DAB1: variants seen among roughly 807,000 people sequenced by gnomAD.
DAB1 encodes the protein disabled homolog 1.
A neutral mutation model predicts 64.6 loss-of-function variants in DAB1; 15 were observed. That is an observed-to-expected ratio of 0.23 (90% CI 0.16 to 0.36). The LOEUF (loss-of-function observed/expected upper bound fraction) is 0.36, where lower values mean the gene tolerates loss of function less well. Ranked by LOEUF, DAB1 falls within the 10% of genes least tolerant of loss-of-function variation. The pLI, the probability that DAB1 is intolerant of heterozygous loss-of-function variation, is 1.00. For missense variants in DAB1, 596 were observed against 706.7 expected, an observed-to-expected ratio of 0.84 and a Z score of 1.78; for synonymous variants, 235 against 251.9, an observed-to-expected ratio of 0.93 and a Z score of 0.64.
chr1:57,419,008 T>A (rs888657332), intron 1 of DAB1, among the ~76,000 whole-genome samples: 2 of 152,216 alleles, frequency 1.3e-5, no homozygotes, highest in Non-Finnish European at 2.9e-5. Context: ...TGAATTTATA[T>A]CCTGATATGC....
At chr1:58,356,306 C>A (rs1046755022) in intron 3 of DAB1, among the ~76,000 whole-genome samples, 6 of 152,118 alleles carry the variant, frequency 3.9e-5, no homozygotes, top group African/African-American at 1.4e-4. Flanking sequence ...GGAACCTTGC[C>A]TGTTTGTTCA....
chr1:57,639,681 T>C (rs1415043192), intron 7 of DAB1, among the ~76,000 whole-genome samples: 3 of 152,082 alleles, frequency 2.0e-5, no homozygotes, highest in Non-Finnish European at 2.9e-5. Context: ...GCACTGTGCA[T>C]CATGCTCAGC....
intron 6 of DAB1, among the ~76,000 whole-genome samples, chr1:57,660,455 G>T (rs575628648): frequency 6.6e-6 from 1 of 152,184 alleles, no homozygotes; most frequent in Non-Finnish European, 1.5e-5. Context: ...AGATACCAAG[G>T]GTAGTGGGCC....
chr1:58,543,618 T>C (rs1347647099), intron 1 of DAB1, among the ~76,000 whole-genome samples: 1 of 152,116 alleles, frequency 6.6e-6, no homozygotes, highest in Admixed American at 6.5e-5. Context: ...GGCAACAGAA[T>C]CCTACCCCGA....
At chr1:58,318,082 C>A (rs2100481429) in intron 4 of DAB1, among the ~76,000 whole-genome samples, 1 of 152,254 alleles carries the variant, frequency 6.6e-6, no homozygotes, top group South Asian at 2.1e-4. Flanking sequence ...AAGGAGAGAA[C>A]AATTCAAGTG....
intron 7 of DAB1, among the ~76,000 whole-genome samples, chr1:57,507,356 CT>C (rs1644356168): frequency 6.6e-6 from 1 of 152,212 alleles, no homozygotes; most frequent in African/African-American, 2.4e-5. Flanking sequence ...TGATGTCCCA[CT>C]TAATCACAAG....
At chr1:58,516,939 G>A (rs1646166795) in intron 2 of DAB1, among the ~76,000 whole-genome samples, 1 of 152,120 alleles carries the variant, frequency 6.6e-6, no homozygotes, top group Admixed American at 6.5e-5. Context: ...TAATCAGAAG[G>A]TTGCCTAGGA....
intron 5 of DAB1, among the ~76,000 whole-genome samples, chr1:58,052,020 T>C (rs183958373): frequency 1.8e-4 from 27 of 152,352 alleles, no homozygotes; most frequent in African/African-American, 6.3e-4. Context: ...TGGTAGTTTC[T>C]TTTGCCGTGC....
At chr1:57,693,278 G>A (rs1229584994) in intron 6 of DAB1, among the ~76,000 whole-genome samples, 2 of 152,122 alleles carry the variant, frequency 1.3e-5, no homozygotes, top group African/African-American at 2.4e-5. Context: ...CTGTTTAGAG[G>A]GGGGATTAAG....
chr1:57,259,762 C>T (rs1670041746), intron 2 of DAB1, among the ~76,000 whole-genome samples: 1 of 152,148 alleles, frequency 6.6e-6, no homozygotes, highest in South Asian at 2.1e-4. Flanking sequence ...CCAATTGCTG[C>T]CAATTACTTC....
intron 5 of DAB1, among the ~76,000 whole-genome samples, chr1:57,909,632 T>C (rs1406178209): frequency 6.6e-6 from 1 of 152,206 alleles, no homozygotes; most frequent in African/African-American, 2.4e-5. Flanking sequence ...TAAGTGTTGC[T>C]GATTCTGTGC....
chr1:58,499,314 C>CAAAAAA (rs58217798), intron 3 of DAB1, among the ~76,000 whole-genome samples: 7 of 69,730 alleles, frequency 1.0e-4, no homozygotes, highest in Admixed American at 3.7e-4. Context: ...CACATCTCTA[C>CAAAAAA]AAAAAAAAAA....
chr1:57,896,451 C>A (rs1202835), intron 5 of DAB1, among the ~76,000 whole-genome samples: 1 of 151,636 alleles, frequency 6.6e-6, no homozygotes, highest in African/African-American at 2.4e-5. Context: ...TTGTAGTCAG[C>A]TCTTTTATAT....
At chr1:58,334,651 C>T (rs12741428) in intron 4 of DAB1, among the ~76,000 whole-genome samples, 36,835 of 125,100 alleles carry the variant, frequency 0.29, 4,941 homozygotes, top group South Asian at 0.41. Flanking sequence ...CATATCATAT[C>T]ATATTATATT....
chr1:57,315,511 C>A (rs941991200), intron 1 of DAB1, among the ~76,000 whole-genome samples: 10 of 152,142 alleles, frequency 6.6e-5, no homozygotes, highest in African/African-American at 2.4e-4. Flanking sequence ...ATTATATGAT[C>A]TTTTTTTCTG....
At chr1:57,280,000 T>C (rs2100623891) in intron 2 of DAB1, among the ~76,000 whole-genome samples, 1 of 152,308 alleles carries the variant, frequency 6.6e-6, no homozygotes, top group East Asian at 1.9e-4. Context: ...CAACTTAGTA[T>C]TTGGTAAGAG....
intron 7 of DAB1, among the ~76,000 whole-genome samples, chr1:57,483,365 T>G (rs1312794921): frequency 6.6e-6 from 1 of 152,152 alleles, no homozygotes; most frequent in African/African-American, 2.4e-5. Flanking sequence ...TGAATGAGTC[T>G]CATGAGAGCT....
chr1:58,440,102 C>T (rs1444464585), intron 3 of DAB1, among the ~76,000 whole-genome samples: 1 of 152,204 alleles, frequency 6.6e-6, no homozygotes, highest in Admixed American at 6.5e-5. Context: ...ATTTGCAAAT[C>T]CTGTCTGCAG....
At chr1:58,052,609 G>A (rs1647752467) in intron 5 of DAB1, among the ~76,000 whole-genome samples, 1 of 152,090 alleles carries the variant, frequency 6.6e-6, no homozygotes, top group African/African-American at 2.4e-5. Flanking sequence ...TGATGGGGAT[G>A]GCATTGAATC....
Sources: gnomAD v4.1 joint callset for allele counts (sites outside exome capture counted in the v4.1 genomes callset) on GRCh38, gnomAD v4.1.1 for gene constraint, MANE v1.5 for transcripts, NCBI Gene and HGNC (gene_info 2026-07-23, HGNC 2026-07-21) for gene names.